DSCAM: variants seen among roughly 807,000 people sequenced by gnomAD.
The protein encoded by DSCAM is cell adhesion molecule DSCAM.
In DSCAM, 47 loss-of-function variants were observed where a neutral mutation model predicts 217.7. That is an observed-to-expected ratio of 0.22 (90% CI 0.17 to 0.28). The LOEUF (loss-of-function observed/expected upper bound fraction) is 0.28, where lower values mean the gene tolerates loss of function less well. Ranked by LOEUF, DSCAM falls within the 10% of genes least tolerant of loss-of-function variation. The probability of loss-of-function intolerance (pLI) is 1.00; values close to 1 mark genes in which losing one functional copy is unlikely to be tolerated. For missense variants in DSCAM, 2,080 were observed against 2,618.3 expected, an observed-to-expected ratio of 0.79 and a Z score of 4.49; for synonymous variants, 1,056 against 1,015.3, an observed-to-expected ratio of 1.04 and a Z score of -0.76.
At chr21:40,517,268 A>G (rs1307786456) in intron 3 of DSCAM, among the ~76,000 whole-genome samples, 1 of 149,660 alleles carries the variant, frequency 6.7e-6, no homozygotes, top group African/African-American at 2.5e-5. Flanking sequence ...TACCTTATAT[A>G]TTTATATTTG....
intron 3 of DSCAM, among the ~76,000 whole-genome samples, chr21:40,490,142 G>A (rs910185425): frequency 5.3e-5 from 8 of 152,084 alleles, no homozygotes; most frequent in Non-Finnish European, 1.0e-4. Context: ...CAGATTTCCT[G>A]AGACTTATTC....
intron 3 of DSCAM, among the ~76,000 whole-genome samples, chr21:40,403,376 C>T (rs2075254599): frequency 6.6e-6 from 1 of 151,546 alleles, no homozygotes; most frequent in African/African-American, 2.4e-5. Context: ...CAGCTCATTG[C>T]AACCTCTGCC....
At chr21:40,318,020 C>T (rs1206520734) in intron 8 of DSCAM, among the ~76,000 whole-genome samples, 3 of 152,136 alleles carry the variant, frequency 2.0e-5, no homozygotes, top group African/African-American at 7.2e-5. Flanking sequence ...TTTTTTATGG[C>T]TGTATAGTAT....
At chr21:40,159,902 T>C (rs567307022) in intron 16 of DSCAM, among the ~76,000 whole-genome samples, 4 of 152,230 alleles carry the variant, frequency 2.6e-5, no homozygotes, top group Non-Finnish European at 2.9e-5. Flanking sequence ...TATTATTAGG[T>C]TACTGAAAAT....
intron 1 of DSCAM, among the ~76,000 whole-genome samples, chr21:40,842,699 G>A (rs2092113034): frequency 6.6e-6 from 1 of 152,244 alleles, no homozygotes; most frequent in Non-Finnish European, 1.5e-5. Context: ...CTACCCGGAG[G>A]TCCAGGAATT....
At position 40,656,321 on chromosome 21, in the gene DSCAM, C is replaced by T. The variant is rs963237209; in HGVS notation, c.508+36489G>A. On this transcript the variant is annotated intron_variant, in intron 3 of 32. Coordinates refer to ENST00000400454, the MANE Select transcript of DSCAM (RefSeq NM_001389.5). Reference sequence around the variant, plus strand: ...TGCTGATGATCTTTAGTTTCCTCACCAGCCCCTTCAAAATCCTAATGTGAA... The same window carrying T: ...TGCTGATGATCTTTAGTTTCCTCACTAGCCCCTTCAAAATCCTAATGTGAA... Among the ~76,000 whole-genome samples, 13 of 152,030 alleles carry T rather than the reference C, an allele frequency of 8.6e-5. No homozygotes were observed. The South Asian group carries it at 2.5e-3, about 29-fold the overall frequency.
intron 3 of DSCAM, among the ~76,000 whole-genome samples, chr21:40,605,761 C>T (rs1484959174): frequency 3.9e-5 from 4 of 101,574 alleles, no homozygotes; most frequent in Non-Finnish European, 8.3e-5. Flanking sequence ...AAAATATGTT[C>T]TTCACTTATA....
At chr21:40,383,592 A>T (rs2075049179) in intron 3 of DSCAM, 1 of 152,198 alleles carries the variant, frequency 6.6e-6, no homozygotes, top group Non-Finnish European at 1.5e-5. Flanking sequence ...GAAGTAAGTT[A>T]TCTTCACTAT....
intron 2 of DSCAM, among the ~76,000 whole-genome samples, chr21:40,705,912 C>T (rs1456675994): frequency 6.6e-6 from 1 of 152,090 alleles, no homozygotes; most frequent in East Asian, 1.9e-4. Flanking sequence ...TGGCCGGGGT[C>T]GCTCATGCCT....
At chr21:40,819,122 T>C (rs2091906862) in intron 1 of DSCAM, among the ~76,000 whole-genome samples, 1 of 152,176 alleles carries the variant, frequency 6.6e-6, no homozygotes, top group Non-Finnish European at 1.5e-5. Context: ...CAAGAAAATC[T>C]AACTGAGGAA....
At chr21:40,085,891 A>G (rs989124372) in intron 22 of DSCAM, 126 bp from the exon 23 acceptor site, 2 of 796,050 alleles carry the variant, frequency 2.5e-6, no homozygotes, top group African/African-American at 3.5e-5. Flanking sequence ...TTCTTGCATT[A>G]TGAAAGAACT....
At chr21:40,278,818 A>G (rs1265437937) in intron 10 of DSCAM, among the ~76,000 whole-genome samples, 1 of 152,192 alleles carries the variant, frequency 6.6e-6, no homozygotes, top group Non-Finnish European at 1.5e-5. Context: ...CCTAGCATAT[A>G]GTGATAAATG....
chr21:40,698,918 G>A (rs1355130652), intron 2 of DSCAM, among the ~76,000 whole-genome samples: 1 of 147,314 alleles, frequency 6.8e-6, no homozygotes, highest in Non-Finnish European at 1.5e-5. Context: ...TGTTCTTCGT[G>A]TCTCTGAGTC....
intron 32 of DSCAM, among the ~76,000 whole-genome samples, chr21:40,037,998 C>T (rs1234935422): frequency 1.4e-5 from 2 of 146,606 alleles, no homozygotes; most frequent in African/African-American, 5.0e-5. Context: ...CTTCCTTACA[C>T]CTTATACAAA....
intron 10 of DSCAM, among the ~76,000 whole-genome samples, chr21:40,288,868 T>C (rs1214281098): frequency 6.6e-6 from 1 of 152,178 alleles, no homozygotes; most frequent in African/African-American, 2.4e-5. Context: ...CTGTGGTTCA[T>C]ATGGGGTAGG....
intron 20 of DSCAM, among the ~76,000 whole-genome samples, chr21:40,109,752 G>A (rs1181538302): frequency 2.0e-5 from 3 of 152,110 alleles, no homozygotes; most frequent in Non-Finnish European, 2.9e-5. Context: ...CTTAGCAAAC[G>A]GCACACCAGG....
chr21:40,472,488 G>A (rs1043485914), intron 3 of DSCAM, among the ~76,000 whole-genome samples: 3 of 152,042 alleles, frequency 2.0e-5, no homozygotes, highest in East Asian at 3.9e-4. Context: ...TTTTAATGGA[G>A]GTACACATGC....
intron 5 of DSCAM, among the ~76,000 whole-genome samples, chr21:40,352,669 A>G (rs934255187): frequency 2.6e-5 from 4 of 152,144 alleles, no homozygotes; most frequent in Non-Finnish European, 4.4e-5. Context: ...ATAAAAATAT[A>G]TTTTCAAAAA....
intron 3 of DSCAM, among the ~76,000 whole-genome samples, chr21:40,563,049 G>A (rs1038786116): frequency 6.6e-6 from 1 of 152,140 alleles, no homozygotes; most frequent in African/African-American, 2.4e-5. Flanking sequence ...TGCTGAAGCA[G>A]GGTGAGTTAT....
Sources: gnomAD v4.1 joint callset for allele counts (sites outside exome capture counted in the v4.1 genomes callset) on GRCh38, gnomAD v4.1.1 for gene constraint, MANE v1.5 for transcripts, NCBI Gene and HGNC (gene_info 2026-07-23, HGNC 2026-07-21) for gene names.